Variants in IFRD2 observed in about 807,000 individuals in gnomAD.
IFRD2 encodes interferon related developmental regulator 2, also known as interferon-related developmental regulator 2.
Under a neutral mutation model 49.2 loss-of-function variants are expected in IFRD2, and 35 were observed. The ratio of observed to expected loss-of-function variants is 0.71; its 90% CI spans 0.54 to 0.94. IFRD2 has a LOEUF of 0.94. Among genes scored for constraint, IFRD2 ranks in the 40% least tolerant of loss-of-function variants. The probability of loss-of-function intolerance (pLI) is 0.00; values close to 1 mark genes in which losing one functional copy is unlikely to be tolerated. For missense variants in IFRD2, 561 were observed against 591.6 expected (o/e 0.95, Z 0.54); for synonymous variants, 275 against 239.7 (o/e 1.15, Z -1.36).
chr3:50,292,158 TCCAG>T (rs1390885129), intron 1 of IFRD2, 55 bp downstream of exon 1: 2 of 1,422,584 alleles, frequency 1.4e-6, no homozygotes, highest in Non-Finnish European at 1.8e-6. Context: ...ACCAAGGGGA[TCCAG>T]CAGGACCCCC....
intron 4 of IFRD2, 26 bp from the exon 5 acceptor site, chr3:50,290,112 A>G (rs1553709523): frequency 6.2e-7 from 1 of 1,612,672 alleles, no homozygotes; most frequent in African/African-American, 1.3e-5. Context: ...CAGTCAGCCC[A>G]TGCAGCAAGG....
chr3:50,289,924 C>T lies in IFRD2; in HGVS notation c.546+5G>A, dbSNP rs1701639499. 1 of 1,612,988 alleles carries T rather than the reference C, an allele frequency of 6.2e-7. No individual in the cohort carries two copies. The highest frequency in any genetic ancestry group is 1.1e-5 in the South Asian group (1 of 90,908). ...AAGGGTTTCATGGGGCACAGGCACACTCACGTGGAGCCGGGCAGCAGGGCT... is the reference window on the plus strand; with the variant it reads ...AAGGGTTTCATGGGGCACAGGCACATTCACGTGGAGCCGGGCAGCAGGGCT... On this transcript the variant is annotated splice_donor_5th_base_variant and intron_variant, in intron 5 of 11. Coordinates refer to ENST00000417626, the MANE Select transcript of IFRD2 (RefSeq NM_006764.5).
At position 50,292,390 on chromosome 3, in the gene IFRD2, A is replaced by G. The variant is rs781808879; in HGVS notation, c.-116T>C. On this transcript the variant is annotated 5_prime_UTR_variant, in exon 1 of 12. Transcript: ENST00000417626. ...GACTTGGCCAGACGACGGGAGCCAC[A>G]CGCCACGCGCGCCACCATCTTCGCG... is the stretch of plus-strand genomic sequence containing the variant. 4 of 1,586,458 alleles carry G rather than the reference A, an allele frequency of 2.5e-6. No homozygotes were observed. Among genetic ancestry groups the G allele is most frequent in the East Asian group, 2.3e-5 (1 of 43,566 alleles).
Position 50,288,099 on chromosome 3 carries a change from GA to G in IFRD2, c.*91del. 8.6e-7 allele frequency: 1 copy of G among 1,166,524 alleles called. No individual in the cohort carries two copies. Among genetic ancestry groups the G allele is most frequent in the Non-Finnish European group, 1.2e-6 (1 of 800,240 alleles). 72.3% of individuals were successfully genotyped at this position (1,166,524 alleles called of 1,614,324 possible). On this transcript the variant is annotated 3_prime_UTR_variant, in exon 12 of 12. Coordinates refer to ENST00000417626, the MANE Select transcript of IFRD2 (RefSeq NM_006764.5). ...GTTTTGTCATTAAAAAAAATAAAGT[GA>G]CAAATACTGGTGGAGACCAGTTGTT...
At position 50,290,403 on chromosome 3, in the gene IFRD2, C is replaced by A; in HGVS notation, c.248G>T (p.Cys83Phe). 6.3e-7 allele frequency: 1 copy of A among 1,581,442 alleles called. No individual in the cohort carries two copies. Among genetic ancestry groups the A allele is most frequent in the Non-Finnish European group, 8.6e-7 (1 of 1,163,018 alleles). The change falls in exon 3 of 12, where the codon TGT (cysteine) becomes TTT (phenylalanine). Residue 83 changes from cysteine (C) to phenylalanine (F), a missense_variant. Transcript: ENST00000417626. The part of the protein sequence containing the change: ...LEEKLKEYVD[C>F]LTDKSAKTRQ... ...CCAGGGGTACCTCTTGTCTGTGAGA[C>A]AGTCCACATACTCCTTCAGCTTTTC...
Position 50,292,316 on chromosome 3 carries a change from T to A in IFRD2, c.-42A>T. On this transcript the variant is annotated 5_prime_UTR_variant, in exon 1 of 12. Coordinates refer to ENST00000417626, the MANE Select transcript of IFRD2 (RefSeq NM_006764.5). ...GGGGGGCGCGGGGTCAGGGACCCGG[T>A]GGGTGTGGGCTCCAGGCCAACGAGA... The A allele has an allele frequency of 6.4e-7, 1 of 1,565,470 alleles. No individual in the cohort carries two copies. The highest frequency in any genetic ancestry group is 8.6e-7 in the Non-Finnish European group (1 of 1,157,538).
In IFRD2 at chr3:50,289,438, C is replaced by T; in HGVS notation, c.779+9G>A. 1 of 1,571,146 alleles carries T rather than the reference C, an allele frequency of 6.4e-7. No individual in the cohort carries two copies. The highest frequency in any genetic ancestry group is 8.6e-7 in the Non-Finnish European group (1 of 1,158,230). ...TCCCCTCCCCCTCCCAGTGGACAGC[C>T]ACCCCTACCTGTCAAGGATGTGGCT... On this transcript the variant is annotated intron_variant, in intron 7 of 11. Transcript: ENST00000417626.
In IFRD2 at chr3:50,290,312, G is replaced by A. The variant is rs1553709580; in HGVS notation, c.264-18C>T. The A allele has an allele frequency of 1.2e-6, 2 of 1,608,240 alleles. No individual in the cohort carries two copies. Among genetic ancestry groups the A allele is most frequent in the Admixed American group, 1.7e-5 (1 of 59,060 alleles). ...TCTTGGCACTGGGGGAGGTCGAGAA[G>A]GGGGGTCATATGGGCCAGCCCTCCC... On this transcript the variant is annotated intron_variant, in intron 3 of 11. Coordinates refer to ENST00000417626, the MANE Select transcript of IFRD2 (RefSeq NM_006764.5).
At position 50,289,325 on chromosome 3, in the gene IFRD2, T is replaced by G; in HGVS notation, c.815A>C (p.Glu272Ala). Residue 272 changes from glutamate to alanine, a missense_variant, in exon 8 of 12, where the codon GAA becomes GCA. By Grantham distance (107) the Glu-to-Ala change is moderately radical (BLOSUM62 -1). Transcript: ENST00000417626. ...LPRLPQLLSS[E>A]SVNLRIAAGE... ...GGCAGCGATCCGCAGGTTCACACTT[T>G]CACTGGACAAGAGCTGGGGCAGCCG... The G allele has an allele frequency of 6.2e-7, 1 of 1,601,728 alleles. No individual in the cohort carries two copies. Among genetic ancestry groups the G allele is most frequent in the South Asian group, 1.1e-5 (1 of 88,786 alleles).
Position 50,289,766 on chromosome 3 carries a change from T to G in IFRD2, c.547-4A>C. 6.2e-7 allele frequency: 1 copy of G among 1,600,018 alleles called. No homozygotes were observed. The highest frequency in any genetic ancestry group is 8.5e-7 in the Non-Finnish European group (1 of 1,173,590). ...CCAGGCCAAGGGCAGAAGCACACTG[T>G]TGGGAGAAGGGCAATGCAATGCCAC... On this transcript the variant is annotated splice_polypyrimidine_tract_variant and splice_region_variant and intron_variant, in intron 5 of 11. Transcript: ENST00000417626.
At chr3:50,290,316 G>C in intron 3 of IFRD2, 22 bp from the exon 4 acceptor site, 1 of 1,607,362 alleles carries the variant, frequency 6.2e-7, no homozygotes, top group Non-Finnish European at 8.5e-7. Flanking sequence ...CGAGAAGGGG[G>C]GTCATATGGG....
At position 50,292,372 on chromosome 3, in the gene IFRD2, C is replaced by T. The variant is rs782260737; in HGVS notation, c.-98G>A. The T allele has an allele frequency of 6.3e-7, 1 of 1,576,592 alleles. No individual in the cohort carries two copies. Among genetic ancestry groups the T allele is most frequent in the Non-Finnish European group, 8.6e-7 (1 of 1,166,662 alleles). ...GCCGGTGCGCTGCGCTGAGACTTGG[C>T]CAGACGACGGGAGCCACACGCCACG... On this transcript the variant is annotated 5_prime_UTR_variant, in exon 1 of 12. Transcript: ENST00000417626.
Position 50,287,930 on chromosome 3 carries a change from G to C in IFRD2, c.*261C>G. 4.2e-6 allele frequency: 2 copies of C among 471,220 alleles called. No individual in the cohort carries two copies. Among genetic ancestry groups the C allele is most frequent in the Non-Finnish European group, 3.9e-6 (1 of 259,682 alleles). The allele number at this position is 471,220 out of a possible 1,614,324, so 29.2% of individuals were successfully genotyped here. On this transcript the variant is annotated 3_prime_UTR_variant, in exon 12 of 12. Coordinates refer to ENST00000417626, the MANE Select transcript of IFRD2 (RefSeq NM_006764.5). ...GAAAGGAAGGGAAAGGCCCCCTAGT[G>C]CCTGCCCCACAGCCCTGAGGAAGGC... is the stretch of plus-strand genomic sequence containing the variant.
Position 50,288,641 on chromosome 3 carries a change from T to C in IFRD2, c.1094A>G (p.His365Arg). ...EVLYMDSWAR[H>R]RIYAAFKEVL... ...TTCCTTGAAGGCAGCGTAGATCCGG[T>C]GCCGAGCCCAGCTGTCCATGTAGAG... Residue 365 changes from histidine to arginine, a missense_variant, in exon 10 of 12, where the codon CAC becomes CGC. By Grantham distance (29) the His-to-Arg change is conservative. Transcript: ENST00000417626. 1 of 1,613,198 alleles carries C rather than the reference T, an allele frequency of 6.2e-7. No individual in the cohort carries two copies. Among genetic ancestry groups the C allele is most frequent in the Non-Finnish European group, 8.5e-7 (1 of 1,179,656 alleles).
At chr3:50,288,547 C>T (rs782227312) in intron 10 of IFRD2, 36 bp downstream of exon 10, 1 of 1,613,996 alleles carries the variant, frequency 6.2e-7, no homozygotes, top group South Asian at 1.1e-5. Flanking sequence ...ACTGAAGCAA[C>T]CACACCAGAT....
chr3:50,290,551 C>T lies in IFRD2; in HGVS notation c.178+9G>A, dbSNP rs879980330. 15 of 1,613,438 alleles carry T rather than the reference C, an allele frequency of 9.3e-6. No individual in the cohort carries two copies. The highest frequency in any genetic ancestry group is 1.6e-4 in the Middle Eastern group (1 of 6,084). On this transcript the variant is annotated intron_variant, in intron 2 of 11. Coordinates refer to ENST00000417626, the MANE Select transcript of IFRD2 (RefSeq NM_006764.5). The stretch of plus-strand genomic sequence containing the variant: ...ACCAAGCCCCTGTCAAACTTCCACC[C>T]GCTCTCACCAAGGCTGTCCTCTGCA...
rs587617034 is a variant in IFRD2 at position 50,290,047 on chromosome 3, C to T, written c.428G>A (p.Gly143Asp). The T allele has an allele frequency of 6.2e-7, 1 of 1,613,752 alleles. No individual in the cohort carries two copies. The highest frequency in any genetic ancestry group is 1.1e-5 in the South Asian group (1 of 91,024). Reference sequence around the variant, plus strand: ...AGGGCCCAGCTGCACGCAGAGCAGGCCTAGCACAGCAGCAGCCAGGGCTTG... The same window carrying T: ...AGGGCCCAGCTGCACGCAGAGCAGGTCTAGCACAGCAGCAGCCAGGGCTTG... ...EEQALAAAVL[G>D]LLCVQLGPGP... Residue 143 changes from glycine (G) to aspartate (D), a missense_variant, in exon 5 of 12, where the codon GGC becomes GAC. Transcript: ENST00000417626.
chr3:50,291,999 C>A, intron 1 of IFRD2: 1 of 541,250 alleles, frequency 1.8e-6, no homozygotes, highest in Non-Finnish European at 3.1e-6. Flanking sequence ...CCGCTGGGAG[C>A]GCGGACTCCC....
Position 50,292,299 on chromosome 3 carries a change from C to A in IFRD2, c.-25G>T. 1 of 1,556,882 alleles carries A rather than the reference C, an allele frequency of 6.4e-7. No individual in the cohort carries two copies. The highest frequency in any genetic ancestry group is 8.7e-7 in the Non-Finnish European group (1 of 1,154,686). ...TGCCGGGAACCGGGCGCGGGGGGCG[C>A]GGGGTCAGGGACCCGGTGGGTGTGG... On this transcript the variant is annotated 5_prime_UTR_variant, in exon 1 of 12. Transcript: ENST00000417626.
Sources: allele counts gnomAD v4.1 joint callset, GRCh38; gene constraint gnomAD v4.1.1; transcripts MANE v1.5; gene names NCBI Gene and HGNC (gene_info 2026-07-23, HGNC 2026-07-21).